The following EXTL1 variants were observed in gnomAD, a reference collection of about 807,000 sequenced individuals.
The protein encoded by EXTL1 is exostosin like glycosyltransferase 1, also known as exostosin-like 1.
Under a neutral mutation model 64.6 loss-of-function variants are expected in EXTL1, and 43 were observed. The ratio of observed to expected loss-of-function variants is 0.67; its 90% CI spans 0.52 to 0.86. The LOEUF is 0.86. Among genes scored for constraint, EXTL1 ranks in the 40% least tolerant of loss-of-function variants. The probability of loss-of-function intolerance (pLI) is 0.00; values close to 1 mark genes in which losing one functional copy is unlikely to be tolerated. For missense variants in EXTL1, 766 were observed against 879.0 expected, an observed-to-expected ratio of 0.87 and a Z score of 1.62; for synonymous variants, 352 against 360.5, an observed-to-expected ratio of 0.98 and a Z score of 0.27.
intron 3 of EXTL1, among the ~76,000 whole-genome samples, chr1:26,030,247 A>C (rs2050267242): frequency 6.6e-6 from 1 of 152,064 alleles, no homozygotes; most frequent in Non-Finnish European, 1.5e-5. Context: ...TAATGAGCAA[A>C]TACTCAGGTT....
At chr1:26,023,738 C>T (rs186692488) in intron 1 of EXTL1, among the ~76,000 whole-genome samples, 2 of 152,316 alleles carry the variant, frequency 1.3e-5, no homozygotes, top group Admixed American at 1.3e-4. Flanking sequence ...TTGTATAGTG[C>T]TTACTCTGTG....
At chr1:26,028,501 AG>A (rs1413085781) in intron 1 of EXTL1, among the ~76,000 whole-genome samples, 1 of 152,170 alleles carries the variant, frequency 6.6e-6, no homozygotes, top group Non-Finnish European at 1.5e-5. Flanking sequence ...GCTGGGTTGC[AG>A]GCAATGGTCC....
In EXTL1 at chr1:26,023,315, G is replaced by C. The variant is rs558220484; in HGVS notation, c.669G>C (p.Gly223=). ...GQLRQHSPQP[G]VALLALEEER... ...TGCGGCAACACAGCCCCCAGCCCGG[G>C]GTAGCCCTGCTAGCCCTGGAAGAGG... The change falls in exon 1 of 11, where the codon GGG becomes GGC. Residue 223 remains glycine (G), a synonymous_variant. Transcript: ENST00000374280. 2 of 1,550,316 alleles carry C rather than the reference G, an allele frequency of 1.3e-6. No individual in the cohort carries two copies. Among genetic ancestry groups the C allele is most frequent in the Non-Finnish European group, 1.7e-6 (2 of 1,145,906 alleles).
At chr1:26,031,784 G>A (rs913940341) in intron 6 of EXTL1, among the ~76,000 whole-genome samples, 1 of 152,228 alleles carries the variant, frequency 6.6e-6, no homozygotes, top group Admixed American at 6.5e-5. Context: ...TGTCTCTTGG[G>A]GAGGCTGGAG....
chr1:26,033,286 G>C lies in EXTL1; in HGVS notation c.1489G>C (p.Asp497His), dbSNP rs372706207. 163 of 1,613,896 alleles carry C rather than the reference G, an allele frequency of 1.0e-4. No homozygotes were observed. Among genetic ancestry groups the C allele is most frequent in the Non-Finnish European group, 1.4e-4 (160 of 1,179,972 alleles). ...CAGAACAGATGCCATCCTCAGCCTCGATGCCCGCAGCAGTCTTTCCACAAG... is the reference window on the plus strand; with the variant it reads ...CAGAACAGATGCCATCCTCAGCCTCCATGCCCGCAGCAGTCTTTCCACAAG... ...TIRTDAILSL[D>H]ARSSLSTSEV... is the part of the protein sequence containing the mutation. Residue 497 changes from aspartate to histidine, a missense_variant, in exon 8 of 11, where the codon GAT becomes CAT. By Grantham distance (81) the Asp-to-His change is moderately conservative. Around this residue, in one of 3 missense-constraint regions of EXTL1, gnomAD observed 571 missense variants for 647.6 expected, o/e 0.88. Transcript: ENST00000374280. This position sits in a 1 kb window ranked among gnomAD's most constrained non-coding sequence, Gnocchi z 5.1.
At chr1:26,031,423 C>T (rs2050284702) in intron 5 of EXTL1, 37 bp from the exon 6 acceptor site, 1 of 1,379,106 alleles carries the variant, frequency 7.3e-7, no homozygotes, top group Non-Finnish European at 1.0e-6. Context: ...GGGTTCTGTT[C>T]CCTCCCACTC....
intron 3 of EXTL1, 75 bp downstream of exon 3, chr1:26,029,782 C>G (rs778784921): frequency 2.1e-6 from 2 of 961,410 alleles, no homozygotes; most frequent in African/African-American, 1.6e-5. Flanking sequence ...TGGATCGAGG[C>G]TGGCCTCAGT....
chr1:26,031,589 G>C, intron 6 of EXTL1, 23 bp downstream of exon 6: 2 of 1,427,988 alleles, frequency 1.4e-6, no homozygotes, highest in Non-Finnish European at 1.9e-6. Flanking sequence ...CCCAGCTGGA[G>C]TCCTGGGATC....
intron 1 of EXTL1, 83 bp from the exon 2 acceptor site, chr1:26,029,110 G>A: frequency 1.1e-6 from 1 of 950,286 alleles, no homozygotes; most frequent in Non-Finnish European, 1.7e-6. Context: ...AGGGGTGTGG[G>A]GTTCTCCCAT....
chr1:26,033,884 CA>C lies in EXTL1; in HGVS notation c.1679+29del, dbSNP rs1164616694. Reference sequence around the variant, plus strand: ...ACAGACCCCTACCCTGCACAGGGATCAGAGTATCAGAGGACCAGAGACCCCA... The same window carrying C: ...ACAGACCCCTACCCTGCACAGGGATCGAGTATCAGAGGACCAGAGACCCCA... On this transcript the variant is annotated intron_variant, in intron 9 of 10. Coordinates refer to ENST00000374280, the MANE Select transcript of EXTL1 (RefSeq NM_004455.3). This position sits in a 1 kb window ranked among gnomAD's most constrained non-coding sequence, Gnocchi z 5.1. 6.3e-7 allele frequency: 1 copy of C among 1,583,832 alleles called. No individual in the cohort carries two copies. The highest frequency in any genetic ancestry group is 8.6e-7 in the Non-Finnish European group (1 of 1,162,196).
At chr1:26,032,546 C>A in intron 7 of EXTL1, 61 bp downstream of exon 7, 1 of 1,324,050 alleles carries the variant, frequency 7.6e-7, no homozygotes, top group Non-Finnish European at 1.1e-6. Context: ...GGGAGGGCAC[C>A]CATGGGGTGT....
chr1:26,035,006 T>C lies in EXTL1; in HGVS notation c.1848+2T>C, dbSNP rs151227607. ...CAGCGCCAGGAGGCTGCTCCACTGG[T>C]GAGGGCTGAGGGGGATTGGTCGGAA... On this transcript the variant is annotated splice_donor_variant, in intron 10 of 10. Coordinates refer to ENST00000374280, the MANE Select transcript of EXTL1 (RefSeq NM_004455.3). LOFTEE classifies it high-confidence loss of function. This position sits in a 1 kb window ranked among gnomAD's most constrained non-coding sequence, Gnocchi z 5.3. 80 of 1,613,848 alleles carry C rather than the reference T, an allele frequency of 5.0e-5. No individual in the cohort carries two copies. In the African/African-American group the frequency reaches 1.0e-3, roughly 21 times the overall value.
At chr1:26,029,342 G>C (rs1351737181) in intron 2 of EXTL1, 56 bp downstream of exon 2, 1 of 1,425,372 alleles carries the variant, frequency 7.0e-7, no homozygotes, top group African/African-American at 1.4e-5. Flanking sequence ...TCATGAGCTG[G>C]CAGGGTACTC....
At chr1:26,029,482 T>C in intron 2 of EXTL1, 118 bp from the exon 3 acceptor site, 2 of 717,968 alleles carry the variant, frequency 2.8e-6, no homozygotes, top group Non-Finnish European at 4.9e-6. Context: ...AAAAATCCCA[T>C]GTTCCTGTCC....
Position 26,035,454 on chromosome 1 carries a change from AG to A in EXTL1, c.*108del. 9.3e-7 allele frequency: 1 copy of A among 1,077,022 alleles called. No homozygotes were observed. Among genetic ancestry groups the A allele is most frequent in the Non-Finnish European group, 1.3e-6 (1 of 765,626 alleles). The allele number at this position is 1,077,022 out of a possible 1,614,324, so 66.7% of individuals were successfully genotyped here. On this transcript the variant is annotated 3_prime_UTR_variant, in exon 11 of 11. Transcript: ENST00000374280. This position sits in a 1 kb window ranked among gnomAD's most constrained non-coding sequence, Gnocchi z 5.3. ...GGGACACCGGAGAACCTATCATGTC[AG>A]CCAGCGGGCCCACACGTCGGACCCC...
In EXTL1 at chr1:26,023,303, C is replaced by T. The variant is rs1476323137; in HGVS notation, c.657C>T (p.Ser219=). 5 of 1,563,682 alleles carry T rather than the reference C, an allele frequency of 3.2e-6. No individual in the cohort carries two copies. Among genetic ancestry groups the T allele is most frequent in the East Asian group, 2.3e-5 (1 of 44,234 alleles). The change falls in exon 1 of 11, where the codon AGC becomes AGT. Residue 219 remains serine, a synonymous_variant. Transcript: ENST00000374280. ...GGAPGQLRQH[S]PQPGVALLAL... ...CTCCTGGCCAGCTGCGGCAACACAG[C>T]CCCCAGCCCGGGGTAGCCCTGCTAG... is the stretch of plus-strand genomic sequence containing the variant.
Position 26,022,983 on chromosome 1 carries a change from A to G in EXTL1, c.337A>G (p.Arg113Gly). ...TGGAACCATCTCTGAGACTCATCGC[A>G]GGATCCTGGCTTCCATTGAGGGCTC... ...AVGTISETHR[R>G]ILASIEGSRF... The change falls in exon 1 of 11, where the codon AGG (arginine) becomes GGG (glycine). Residue 113 changes from arginine (R) to glycine (G), a missense_variant. This residue lies in a region of EXTL1 where 571 missense variants were observed against 647.6 expected (regional missense o/e 0.88). Coordinates refer to ENST00000374280, the MANE Select transcript of EXTL1 (RefSeq NM_004455.3). 2 of 1,614,198 alleles carry G rather than the reference A, an allele frequency of 1.2e-6. No individual in the cohort carries two copies. Among genetic ancestry groups the G allele is most frequent in the Non-Finnish European group, 1.7e-6 (2 of 1,180,026 alleles).
chr1:26,029,334 A>G (rs779580254), intron 2 of EXTL1, 48 bp downstream of exon 2: 3 of 1,450,110 alleles, frequency 2.1e-6, no homozygotes, highest in Non-Finnish European at 1.9e-6. Context: ...CCCAGCACTC[A>G]TGAGCTGGCA....
chr1:26,030,682 G>C (rs2050273259), intron 4 of EXTL1, 87 bp downstream of exon 4: 1 of 1,437,676 alleles, frequency 7.0e-7, no homozygotes, highest in Admixed American at 2.1e-5. Context: ...CACAGTGTTT[G>C]GGGAACCCCC....
Sources: allele counts gnomAD v4.1 joint callset (sites outside exome capture counted in the v4.1 genomes callset), GRCh38; gene constraint gnomAD v4.1.1; regional missense constraint gnomAD v4.1.1; non-coding constraint Gnocchi (gnomAD v3.1); transcripts MANE v1.5; gene names NCBI Gene and HGNC (gene_info 2026-07-23, HGNC 2026-07-21).